The following DGKA variants were observed in gnomAD, a reference collection of about 807,000 sequenced individuals.
DGKA encodes 80 kDa diacylglycerol kinase.
Under a neutral mutation model 105.0 loss-of-function variants are expected in DGKA, and 35 were observed. The observed-to-expected ratio is 0.33, with a 90% confidence interval of 0.25 to 0.44. The LOEUF (loss-of-function observed/expected upper bound fraction) is 0.44. Among genes scored for constraint, DGKA ranks in the 20% least tolerant of loss-of-function variants. The probability of loss-of-function intolerance (pLI) is 1.00; values close to 1 mark genes in which losing one functional copy is unlikely to be tolerated. For missense variants in DGKA, 665 were observed against 915.0 expected (o/e 0.73, Z 3.53); for synonymous variants, 296 against 332.0 (o/e 0.89, Z 1.18).
intron 9 of DGKA, chr12:55,939,786 A>C: frequency 3.4e-6 from 2 of 587,578 alleles, no homozygotes; most frequent in South Asian, 4.1e-5. Flanking sequence ...AAATGCAATA[A>C]AAAATATCTA....
upstream of DGKA, chr12:55,931,082 C>G (rs532921552): frequency 2.0e-5 from 3 of 152,302 alleles, no homozygotes; most frequent in East Asian, 5.8e-4. Context: ...CTTTGTTACT[C>G]TGCCCCATTT....
Position 55,937,438 on chromosome 12 carries a change from C to T in DGKA, c.169C>T (p.Leu57=), listed in dbSNP as rs1884986585. The T allele has an allele frequency of 8.7e-6, 14 of 1,614,190 alleles. No individual in the cohort carries two copies. Among genetic ancestry groups the T allele is most frequent in the Non-Finnish European group, 1.2e-5 (14 of 1,180,032 alleles). The stretch of plus-strand genomic sequence containing the variant: ...TGGGTACGAGGGATTCCAGCAATTC[C>T]TGAAAATCTATCTCGAAGTGGATAA... ...AIGYEGFQQF[L]KIYLEVDNVP... The change falls in exon 4 of 24, where the codon CTG becomes TTG. Residue 57 remains leucine, a synonymous_variant. Transcript: ENST00000331886.
Position 55,941,909 on chromosome 12 carries a change from T to A in DGKA, c.1251-89T>A, listed in dbSNP as rs114776681. The stretch of plus-strand genomic sequence containing the variant: ...CAAAAAGGAGGAGGGTCCTACGGAA[T>A]GAGAGACAAGAAGCAATCTGCCTGC... On this transcript the variant is annotated intron_variant, in intron 15 of 23. Coordinates refer to ENST00000331886, the MANE Select transcript of DGKA (RefSeq NM_001345.5). 1.9e-3 allele frequency: 2,561 copies of A among 1,344,628 alleles called. 44 individuals are homozygous for A. In the African/African-American group the frequency reaches 0.033, roughly 17 times the overall value. The allele number at this position is 1,344,628 out of a possible 1,614,324, so 83.3% of individuals were successfully genotyped here. A position where few individuals can be genotyped will look rare whatever the true frequency, so the allele number is the denominator to read the frequency against.
intron 3 of DGKA, 74 bp from the exon 4 acceptor site, chr12:55,937,334 C>T: frequency 6.5e-7 from 1 of 1,539,656 alleles, no homozygotes; most frequent in Non-Finnish European, 8.9e-7. Flanking sequence ...TATCCCTGTC[C>T]CCGCTACTCC....
intron 1 of DGKA, chr12:55,931,587 G>C (rs1014415060): frequency 6.5e-6 from 1 of 152,682 alleles, no homozygotes. Flanking sequence ...GCTTGCCCCC[G>C]TGGGATCTCC....
At chr12:55,953,632 C>A in intron 23 of DGKA, 53 bp from the exon 24 acceptor site, 1 of 1,573,158 alleles carries the variant, frequency 6.4e-7, no homozygotes, top group Non-Finnish European at 8.7e-7. Flanking sequence ...TCTCTGAAGC[C>A]ACAGCCCCAA....
chr12:55,941,043 G>C, intron 13 of DGKA, 63 bp downstream of exon 13: 2 of 1,553,736 alleles, frequency 1.3e-6, no homozygotes, highest in Non-Finnish European at 1.8e-6. Context: ...GCCCTCATGG[G>C]TGGGAATGAA....
intron 2 of DGKA, 124 bp downstream of exon 2, chr12:55,936,691 G>A: frequency 7.4e-7 from 1 of 1,350,958 alleles, no homozygotes; most frequent in Non-Finnish European, 1.0e-6. Flanking sequence ...GCTCAGATGT[G>A]CCCATGACTG....
At chr12:55,953,275 C>G in intron 22 of DGKA, 75 bp from the exon 23 acceptor site, 1 of 1,611,856 alleles carries the variant, frequency 6.2e-7, no homozygotes, top group Non-Finnish European at 8.5e-7. Flanking sequence ...CAAAAGGTCT[C>G]AAAGCCAACC....
At chr12:55,928,548 G>A (rs375561632), upstream of DGKA, among the ~76,000 whole-genome samples, 117 of 151,350 alleles carry the variant, frequency 7.7e-4, 1 homozygote, top group African/African-American at 2.6e-3. Flanking sequence ...CGTGGTGGCG[G>A]GTGCCTGTAA....
intron 1 of DGKA, chr12:55,931,861 C>A (rs1353544872): frequency 6.6e-6 from 1 of 152,204 alleles, no homozygotes; most frequent in Non-Finnish European, 1.5e-5. Flanking sequence ...TCCAAAGCCC[C>A]GGACATATTC....
At chr12:55,936,331 A>G (rs1592673015) in intron 1 of DGKA, 92 bp from the exon 2 acceptor site, 1 of 1,362,146 alleles carries the variant, frequency 7.3e-7, no homozygotes, top group Non-Finnish European at 9.7e-7. Flanking sequence ...ACAAAAAATA[A>G]TAGTGGGAGT....
chr12:55,942,029 C>T lies in DGKA; in HGVS notation c.1282C>T (p.Arg428Trp), dbSNP rs1886119561. 7 of 1,614,120 alleles carry T rather than the reference C, an allele frequency of 4.3e-6. No individual in the cohort carries two copies. The highest frequency in any genetic ancestry group is 5.9e-6 in the Non-Finnish European group (7 of 1,180,012). Reference protein sequence around the residue: ...LRLFKDVPDSRILVCGGDGTV... With the variant: ...LRLFKDVPDSWILVCGGDGTV... ...ATTATTCAAGGATGTTCCTGATAGC[C>T]GGATTTTGGTGTGTGGTGGAGACGG... Residue 428 changes from arginine (R) to tryptophan (W), a missense_variant, in exon 16 of 24, where the codon CGG (arginine) becomes TGG (tryptophan). Transcript: ENST00000331886.
chr12:55,940,969 G>C lies in DGKA; in HGVS notation c.1090G>C (p.Glu364Gln). 1 of 1,613,992 alleles carries C rather than the reference G, an allele frequency of 6.2e-7. No homozygotes were observed. The highest frequency in any genetic ancestry group is 8.5e-7 in the Non-Finnish European group (1 of 1,179,968). Residue 364 changes from glutamate to glutamine, a missense_variant, in exon 13 of 24, where the codon GAG (glutamate) becomes CAG (glutamine). Physicochemically the swap from Glu to Gln is conservative, Grantham distance 29. Coordinates refer to ENST00000331886, the MANE Select transcript of DGKA (RefSeq NM_001345.5). This position sits in a 1 kb window ranked among gnomAD's most constrained non-coding sequence, Gnocchi z 4.3. ...TMDDLNLSTS[E>Q]ALRIDPVPNT... ...GGATGATTTAAATTTGAGCACCTCT[G>C]AGGCTCTGCGGGTACAGGGCTGAGA...
chr12:55,953,461 C>A, intron 23 of DGKA, 51 bp downstream of exon 23: 2 of 1,572,264 alleles, frequency 1.3e-6, no homozygotes, highest in South Asian at 1.1e-5. Flanking sequence ...CTCCATGGAT[C>A]CTAAATCCCC....
chr12:55,937,764 G>A (rs1208722210), intron 4 of DGKA, among the ~76,000 whole-genome samples: 1 of 152,128 alleles, frequency 6.6e-6, no homozygotes, highest in Non-Finnish European at 1.5e-5. Context: ...TTGGGAAGCT[G>A]AGGTGGGAGG....
chr12:55,944,580 G>A (rs1156248359), intron 17 of DGKA, among the ~76,000 whole-genome samples: 2 of 152,198 alleles, frequency 1.3e-5, no homozygotes, highest in African/African-American at 4.8e-5. Context: ...GTAGGAAGGA[G>A]ACAGAATAGG....
chr12:55,932,707 A>G lies in DGKA; in HGVS notation c.-82+1363A>G, dbSNP rs1157950599. ...TGACACCCTCTACACACACACACAC[A>G]CGCACACACACACACACACACACAC... On this transcript the variant is annotated intron_variant, in intron 1 of 23. Transcript: ENST00000331886. This position sits in a 1 kb window ranked among gnomAD's most constrained non-coding sequence, Gnocchi z 4.3. 2.2e-5 allele frequency: 11 copies of G among 499,766 alleles called. No individual in the cohort carries two copies. Among genetic ancestry groups the G allele is most frequent in the East Asian group, 7.0e-5 (2 of 28,756 alleles). 31.0% of individuals were successfully genotyped at this position (499,766 alleles called of 1,614,324 possible). A position where few individuals can be genotyped will look rare whatever the true frequency, so the allele number is the denominator to read the frequency against.
intron 17 of DGKA, among the ~76,000 whole-genome samples, chr12:55,944,556 G>A (rs1886642268): frequency 6.6e-6 from 1 of 152,250 alleles, no homozygotes; most frequent in African/African-American, 2.4e-5. Context: ...TGGGAGCTCT[G>A]TGGAAGATGG....
Sources: allele counts gnomAD v4.1 joint callset (sites outside exome capture counted in the v4.1 genomes callset), GRCh38; gene constraint gnomAD v4.1.1; non-coding constraint Gnocchi (gnomAD v3.1); transcripts MANE v1.5; gene names NCBI Gene and HGNC (gene_info 2026-07-23, HGNC 2026-07-21).